The following PPARGC1A variants were observed in gnomAD, a reference collection of about 807,000 sequenced individuals.
The protein encoded by PPARGC1A is peroxisome proliferator-activated receptor gamma coactivator 1-alpha.
Under a neutral mutation model 88.7 loss-of-function variants are expected in PPARGC1A, and 25 were observed. That is an observed-to-expected ratio of 0.28 (90% CI 0.21 to 0.39). The LOEUF is 0.39. Ranked by LOEUF, PPARGC1A falls within the 10% of genes least tolerant of loss-of-function variation. The pLI, the probability that PPARGC1A is intolerant of heterozygous loss-of-function variation, is 1.00. For synonymous variants in PPARGC1A, 363 were observed against 355.6 expected, an observed-to-expected ratio of 1.02 and a Z score of -0.24; for missense variants, 880 against 968.7, an observed-to-expected ratio of 0.91 and a Z score of 1.22.
At chr4:24,019,743 T>A in the PPARGC1A span, among the ~76,000 whole-genome samples, 1 of 152,220 alleles carries the variant, frequency 6.6e-6, no homozygotes, top group Admixed American at 6.5e-5. Flanking sequence ...AACATAAAAG[T>A]TGTTGCAGAT....
At chr4:24,036,246 A>T in the PPARGC1A span, among the ~76,000 whole-genome samples, 10 of 152,220 alleles carry the variant, frequency 6.6e-5, no homozygotes, top group Non-Finnish European at 1.3e-4. Context: ...CAATAATAAG[A>T]GTTGACATAA....
the PPARGC1A span, among the ~76,000 whole-genome samples, chr4:24,228,065 C>T: frequency 2.6e-5 from 4 of 152,108 alleles, no homozygotes; most frequent in Admixed American, 2.0e-4. Flanking sequence ...TCATCTCGGG[C>T]ACCAGCTACT....
intron 12 of PPARGC1A, among the ~76,000 whole-genome samples, chr4:23,800,964 TTTC>T (rs1718567666): frequency 6.7e-6 from 1 of 148,914 alleles, no homozygotes; most frequent in East Asian, 2.0e-4. Flanking sequence ...CAGGTGTTTC[TTTC>T]TTTTTTTTTT....
chr4:23,973,513 T>C, the PPARGC1A span, among the ~76,000 whole-genome samples: 3 of 152,230 alleles, frequency 2.0e-5, no homozygotes, highest in Non-Finnish European at 4.4e-5. Flanking sequence ...CCCTCTATGT[T>C]TCTATGGTGT....
the PPARGC1A span, among the ~76,000 whole-genome samples, chr4:24,131,909 A>G: frequency 6.6e-6 from 1 of 152,176 alleles, no homozygotes; most frequent in East Asian, 1.9e-4. Context: ...ATTCCACCAG[A>G]TTGTTAAGGC....
At chr4:23,843,364 C>T (rs963100417) in intron 2 of PPARGC1A, among the ~76,000 whole-genome samples, 4 of 152,080 alleles carry the variant, frequency 2.6e-5, no homozygotes, top group Non-Finnish European at 2.9e-5. Context: ...GAGTACATCA[C>T]TTACAAGGTG....
At chr4:23,907,514 T>A (rs977407879), upstream of PPARGC1A, among the ~76,000 whole-genome samples, 3 of 152,188 alleles carry the variant, frequency 2.0e-5, no homozygotes, top group Non-Finnish European at 4.4e-5. Context: ...GACACAAACC[T>A]GAGTGTGAAG....
chr4:24,181,631 C>G, the PPARGC1A span, among the ~76,000 whole-genome samples: 1 of 152,120 alleles, frequency 6.6e-6, no homozygotes, highest in African/African-American at 2.4e-5. Context: ...ACAGCCTTAA[C>G]TAGGTATGGA....
chr4:23,943,021 A>C, the PPARGC1A span, among the ~76,000 whole-genome samples: 1 of 152,208 alleles, frequency 6.6e-6, no homozygotes, highest in Non-Finnish European at 1.5e-5. Flanking sequence ...TGCAGGAATA[A>C]TTGAAGCTTT....
chr4:24,261,495 C>T, the PPARGC1A span, among the ~76,000 whole-genome samples: 1 of 152,182 alleles, frequency 6.6e-6, no homozygotes, highest in Non-Finnish European at 1.5e-5. Context: ...CTCTAGGTCC[C>T]CTGCAGGCAG....
At chr4:23,949,061 G>A in the PPARGC1A span, among the ~76,000 whole-genome samples, 1 of 152,022 alleles carries the variant, frequency 6.6e-6, no homozygotes, top group African/African-American at 2.4e-5. Context: ...AAGTCACAAG[G>A]CAAATGGATA....
At chr4:24,305,249 A>G in the PPARGC1A span, among the ~76,000 whole-genome samples, 2 of 150,872 alleles carry the variant, frequency 1.3e-5, no homozygotes, top group African/African-American at 4.9e-5. Context: ...GATCATATAT[A>G]TAATATATAT....
the PPARGC1A span, among the ~76,000 whole-genome samples, chr4:23,976,942 G>C: frequency 1.3e-5 from 2 of 151,512 alleles, no homozygotes; most frequent in Non-Finnish European, 2.9e-5. Context: ...TTAACAGAAA[G>C]GAAGAAGAAG....
chr4:23,941,251 G>A, the PPARGC1A span, among the ~76,000 whole-genome samples: 1 of 152,038 alleles, frequency 6.6e-6, no homozygotes, highest in African/African-American at 2.4e-5. Flanking sequence ...GAGATGAGGT[G>A]TTTACTATGT....
intron 2 of PPARGC1A, among the ~76,000 whole-genome samples, chr4:23,844,135 A>G (rs1444432450): frequency 6.6e-6 from 1 of 150,586 alleles, no homozygotes; most frequent in Non-Finnish European, 1.5e-5. Flanking sequence ...AATAGATTTT[A>G]TATTTATACA....
chr4:23,816,827 G>T (rs184784969), intron 7 of PPARGC1A, among the ~76,000 whole-genome samples: 1 of 152,178 alleles, frequency 6.6e-6, no homozygotes, highest in Middle Eastern at 3.4e-3. Context: ...ATCTCTTTTC[G>T]AATGTGAATT....
the PPARGC1A span, among the ~76,000 whole-genome samples, chr4:24,080,122 T>A: frequency 1.1e-4 from 16 of 152,196 alleles, no homozygotes; most frequent in South Asian, 3.3e-3. Flanking sequence ...GCATTAAATA[T>A]GTAAATTCAT....
the PPARGC1A span, among the ~76,000 whole-genome samples, chr4:24,423,329 A>G: frequency 6.6e-6 from 1 of 152,222 alleles, no homozygotes; most frequent in African/African-American, 2.4e-5. Flanking sequence ...CTAACACGTG[A>G]TAGGGCTTGA....
chr4:24,318,612 T>C, the PPARGC1A span, among the ~76,000 whole-genome samples: 9 of 152,212 alleles, frequency 5.9e-5, no homozygotes, highest in Admixed American at 2.0e-4. Flanking sequence ...CAATAAACCA[T>C]ATGCAGCATT....
Sources: allele counts gnomAD v4.1 joint callset (sites outside exome capture counted in the v4.1 genomes callset), GRCh38; gene constraint gnomAD v4.1.1; transcripts MANE v1.5; gene names NCBI Gene and HGNC (gene_info 2026-07-23, HGNC 2026-07-21).